GIGYF1: variants seen among roughly 807,000 people sequenced by gnomAD.
GIGYF1 encodes GRB10 interacting GYF protein 1, also known as GRB10-interacting GYF protein 1.
Under a neutral mutation model 147.1 loss-of-function variants are expected in GIGYF1, and 84 were observed. That is an observed-to-expected ratio of 0.57 (90% CI 0.48 to 0.68). The LOEUF is 0.68. Among genes scored for constraint, GIGYF1 ranks in the 30% least tolerant of loss-of-function variants. GIGYF1 has a pLI of 0.00. For synonymous variants in GIGYF1, 752 were observed against 589.5 expected (o/e 1.28, Z -3.99); for missense variants, 1,485 against 1,393.7 (o/e 1.07, Z -1.04).
intron 3 of GIGYF1, 56 bp from the exon 4 acceptor site, chr7:100,688,363 A>G (rs1490849007): frequency 3.6e-6 from 3 of 829,324 alleles, no homozygotes; most frequent in East Asian, 2.7e-5. Flanking sequence ...TTTAAAGCGC[A>G]GGGAGGACAC....
chr7:100,688,356 A>G (rs1805577110), intron 3 of GIGYF1, 49 bp from the exon 4 acceptor site: 1 of 873,326 alleles, frequency 1.1e-6, no homozygotes, highest in Admixed American at 2.1e-5. Flanking sequence ...GGAGAACTTT[A>G]AAGCGCAGGG....
chr7:100,692,311 A>G (rs141948496), intron 1 of GIGYF1, among the ~76,000 whole-genome samples: 38 of 152,332 alleles, frequency 2.5e-4, no homozygotes, highest in African/African-American at 8.2e-4. Flanking sequence ...AACAGTTTTC[A>G]AAGGATTTTC....
At chr7:100,690,007 A>C (rs973561529) in intron 1 of GIGYF1, among the ~76,000 whole-genome samples, 5 of 152,200 alleles carry the variant, frequency 3.3e-5, no homozygotes, top group African/African-American at 1.2e-4. Flanking sequence ...AAGGGTCCAG[A>C]GCCTCAACTG....
Position 100,687,565 on chromosome 7 carries a change from T to C in GIGYF1, c.313A>G (p.Lys105Glu), listed in dbSNP as rs1562882924. ...CCAGCCAGGGGGGGGCCAGCCCCTT[T>C]CCCCATCAGCCTCAGCACAGCCACG... is the stretch of plus-strand genomic sequence containing the variant. The part of the protein sequence containing the change: ...NSVAVLRLMG[K>E]GAGPPLAGTS... The change falls in exon 7 of 27, where the codon AAA becomes GAA. Residue 105 changes from lysine (K) to glutamate (E), a missense_variant. By Grantham distance (56) the Lys-to-Glu change is moderately conservative. Coordinates refer to ENST00000678049, the MANE Select transcript of GIGYF1 (RefSeq NM_001375765.1). The C allele has an allele frequency of 1.2e-6, 2 of 1,612,522 alleles. No individual in the cohort carries two copies. Among genetic ancestry groups the C allele is most frequent in the African/African-American group, 2.7e-5 (2 of 74,882 alleles).
Position 100,682,663 on chromosome 7 carries a change from C to T in GIGYF1, c.2527G>A (p.Asp843Asn). The T allele has an allele frequency of 6.2e-7, 1 of 1,603,692 alleles. No homozygotes were observed. Among genetic ancestry groups the T allele is most frequent in the Non-Finnish European group, 8.5e-7 (1 of 1,176,534 alleles). ...GGSSGLGLWE[D>N]TPKSGGSLVR... ...AGGCTCCCGCCGCTCTTGGGGGTGT[C>T]CTCCCAGAGCCCCAGGCCGCTGCTG... The change falls in exon 23 of 27, where the codon GAC becomes AAC. Residue 843 changes from aspartate to asparagine, a missense_variant. Coordinates refer to ENST00000678049, the MANE Select transcript of GIGYF1 (RefSeq NM_001375765.1).
chr7:100,683,456 G>A lies in GIGYF1; in HGVS notation c.2053-12C>T. Reference sequence around the variant, plus strand: ...CTGCGCTCCTGGAACTGAGACCAGTGGCCCATCAGAGGGGAGAGCTGCAGG... The same window carrying A: ...CTGCGCTCCTGGAACTGAGACCAGTAGCCCATCAGAGGGGAGAGCTGCAGG... On this transcript the variant is annotated splice_polypyrimidine_tract_variant and intron_variant, in intron 20 of 26. Transcript: ENST00000678049. 1 of 1,614,170 alleles carries A rather than the reference G, an allele frequency of 6.2e-7. No homozygotes were observed.
Position 100,684,072 on chromosome 7 carries a change from G to T in GIGYF1, c.1816C>A (p.Gln606Lys). ...TGCAGGAATGCCGTGAGCTGCTGCT[G>T]CTGCTGCTGTGGCGGCGGCGGTGGT... ...PPPPPPPQQQ[Q>K]QQLTAFLQQL... The change falls in exon 18 of 27, where the codon CAG becomes AAG. Residue 606 changes from glutamine (Q) to lysine (K), a missense_variant. By Grantham distance (53) the Gln-to-Lys change is moderately conservative. Coordinates refer to ENST00000678049, the MANE Select transcript of GIGYF1 (RefSeq NM_001375765.1). 1 of 1,607,402 alleles carries T rather than the reference G, an allele frequency of 6.2e-7. No individual in the cohort carries two copies.
chr7:100,689,842 A>C (rs1180899588), intron 1 of GIGYF1, among the ~76,000 whole-genome samples: 1 of 152,204 alleles, frequency 6.6e-6, no homozygotes, highest in Non-Finnish European at 1.5e-5. Context: ...GGACTGGATG[A>C]GCCTTGAGGA....
At chr7:100,682,263 C>G (rs771825686) in intron 24 of GIGYF1, 28 bp from the exon 25 acceptor site, 2 of 1,607,774 alleles carry the variant, frequency 1.2e-6, no homozygotes, top group African/African-American at 2.7e-5. Flanking sequence ...GCTGTCAGGG[C>G]CCCCTGGCCG....
Position 100,682,448 on chromosome 7 carries a change from G to A in GIGYF1, c.2635C>T (p.Arg879Cys), listed in dbSNP as rs764497122. 27 of 1,613,098 alleles carry A rather than the reference G, an allele frequency of 1.7e-5. No homozygotes were observed. The highest frequency in any genetic ancestry group is 1.2e-4 in the African/African-American group (9 of 74,926). ...TTCTCTTCTTCCTCCGTCTTTTTGC[G>A]AATGGGCCGACCCGATAGGTGGCTG... ...SYSHLSGRPI[R>C]KKTEEEEKLL... The change falls in exon 24 of 27, where the codon CGC becomes TGC. Residue 879 changes from arginine to cysteine, a missense_variant. Transcript: ENST00000678049.
At chr7:100,683,699 G>A (rs1453016078) in intron 19 of GIGYF1, 67 bp from the exon 20 acceptor site, 20 of 1,551,236 alleles carry the variant, frequency 1.3e-5, no homozygotes, top group Non-Finnish European at 1.7e-5. Flanking sequence ...TAGTCCAGCC[G>A]CAGCAGTGGG....
Position 100,684,138 on chromosome 7 carries a change from C to A in GIGYF1, c.1750G>T (p.Ala584Ser), listed in dbSNP as rs776784807. 13 of 1,608,904 alleles carry A rather than the reference C, an allele frequency of 8.1e-6. No individual in the cohort carries two copies. The highest frequency in any genetic ancestry group is 9.3e-6 in the Non-Finnish European group (11 of 1,179,686). The change falls in exon 18 of 27, where the codon GCG becomes TCG. Residue 584 changes from alanine to serine, a missense_variant. Ala to Ser is a moderately conservative substitution (Grantham distance 99). Transcript: ENST00000678049. ...LVSSRQLPQC[A>S]LREKAALGDL... ...CCCAGAGCTGCCTTTTCTCGGAGCG[C>A]GCACTGTGGGAGCTGGCGGCTGCAA...
chr7:100,693,451 G>A (rs780261590), intron 1 of GIGYF1, among the ~76,000 whole-genome samples: 3 of 152,212 alleles, frequency 2.0e-5, no homozygotes, highest in Admixed American at 2.0e-4. Flanking sequence ...TGGGAAGAAG[G>A]AGACCCCAAT....
In GIGYF1 at chr7:100,681,639, G is replaced by A. The variant is rs958999790; in HGVS notation, c.*80C>T. ...TGCCTCTTCCTGTGCTCTCTGCGGGGAGCCTGCAGGCTGGGACCCTCGGTC... is the reference window on the plus strand; with the variant it reads ...TGCCTCTTCCTGTGCTCTCTGCGGGAAGCCTGCAGGCTGGGACCCTCGGTC... On this transcript the variant is annotated 3_prime_UTR_variant, in exon 27 of 27. Transcript: ENST00000678049. The A allele has an allele frequency of 7.4e-6, 10 of 1,358,058 alleles. No individual in the cohort carries two copies. Among genetic ancestry groups the A allele is most frequent in the Admixed American group, 2.5e-5 (1 of 40,668 alleles). 84.1% of individuals were successfully genotyped at this position (1,358,058 alleles called of 1,614,324 possible). A position where few individuals can be genotyped will look rare whatever the true frequency, so the allele number is the denominator to read the frequency against.
Position 100,682,625 on chromosome 7 carries a change from G to A in GIGYF1, c.2565C>T (p.Leu855=), listed in dbSNP as rs749944650. The change falls in exon 23 of 27, where the codon CTC becomes CTT. Residue 855 remains leucine (L), a synonymous_variant. Coordinates refer to ENST00000678049, the MANE Select transcript of GIGYF1 (RefSeq NM_001375765.1). ...PKSGGSLVRG[L]GLKNSRSSPS... ...GGCTGCTCCGGCTGTTCTTCAGGCC[G>A]AGGCCACGGACCAGGCTCCCGCCGC... 39 of 1,597,990 alleles carry A rather than the reference G, an allele frequency of 2.4e-5. No individual in the cohort carries two copies. Among genetic ancestry groups the A allele is most frequent in the Middle Eastern group, 1.7e-4 (1 of 6,020 alleles).
intron 12 of GIGYF1, 104 bp downstream of exon 12, chr7:100,685,870 T>C (rs1805273344): frequency 1.1e-6 from 1 of 890,394 alleles, no homozygotes; most frequent in African/African-American, 1.7e-5. Context: ...CAGATCTAAG[T>C]AGCCTGATTC....
chr7:100,685,631 G>C (rs892827990), intron 12 of GIGYF1, 150 bp from the exon 13 acceptor site: 3 of 845,822 alleles, frequency 3.5e-6, no homozygotes, highest in Non-Finnish European at 5.4e-6. Flanking sequence ...TAATGGCAGA[G>C]GGAATGCGGT....
rs1322109361 is a variant in GIGYF1, at chr7:100,683,854, G to A, written c.1933C>T (p.Leu645Phe). The change falls in exon 19 of 27, where the codon CTC becomes TTC. Residue 645 changes from leucine (L) to phenylalanine (F), a missense_variant. Transcript: ENST00000678049. ...RSLSVPDSGR[L>F]WDVHTSASSQ... ...GAGGCTGAGGTATGTACGTCCCAGAGGCGGCCCGAATCTGGCACCGACAAG... is the reference window on the plus strand; with the variant it reads ...GAGGCTGAGGTATGTACGTCCCAGAAGCGGCCCGAATCTGGCACCGACAAG... 8 of 1,565,672 alleles carry A rather than the reference G, an allele frequency of 5.1e-6. No individual in the cohort carries two copies. The East Asian group carries it at 1.7e-4, about 32-fold the overall frequency.
rs1471719991 is a variant in GIGYF1 at position 100,687,559 on chromosome 7, C to G, written c.319G>C (p.Ala107Pro). ...GAGGTGCCAGCCAGGGGGGGGCCAG[C>G]CCCTTTCCCCATCAGCCTCAGCACA... ...VAVLRLMGKG[A>P]GPPLAGTSRG... is the part of the protein sequence containing the mutation. Residue 107 changes from alanine (A) to proline (P), a missense_variant, in exon 7 of 27, where the codon GCT (alanine) becomes CCT (proline). Coordinates refer to ENST00000678049, the MANE Select transcript of GIGYF1 (RefSeq NM_001375765.1). 1 of 1,612,736 alleles carries G rather than the reference C, an allele frequency of 6.2e-7. No homozygotes were observed. The highest frequency in any genetic ancestry group is 2.2e-5 in the East Asian group (1 of 44,882).
Sources: allele counts gnomAD v4.1 joint callset (sites outside exome capture counted in the v4.1 genomes callset), GRCh38; gene constraint gnomAD v4.1.1; transcripts MANE v1.5; gene names NCBI Gene and HGNC (gene_info 2026-07-23, HGNC 2026-07-21).